TESK2: variants seen among roughly 807,000 people sequenced by gnomAD.
TESK2 encodes testis associated actin remodelling kinase 2, also known as dual specificity testis-specific protein kinase 2.
Under a neutral mutation model 57.1 loss-of-function variants are expected in TESK2, and 39 were observed. The observed-to-expected ratio is 0.68, with a 90% CI of 0.53 to 0.89. The LOEUF (loss-of-function observed/expected upper bound fraction) is 0.89. TESK2 is among the 40% of genes least tolerant of loss of function. The pLI, the probability that TESK2 is intolerant of heterozygous loss-of-function variation, is 0.00. For synonymous variants in TESK2, 249 were observed against 267.9 expected, an observed-to-expected ratio of 0.93 and a Z score of 0.69; for missense variants, 646 against 732.1, an observed-to-expected ratio of 0.88 and a Z score of 1.36.
rs1652182337 is a variant in TESK2 at position 45,458,157 on chromosome 1, CAT to C, written c.-86-288_-86-287del. Among the ~76,000 whole-genome samples the C allele has an allele frequency of 4.6e-5, 7 of 152,278 alleles. No individual in the cohort carries two copies. In the South Asian group the frequency reaches 1.5e-3, roughly 32 times the overall value. ...CATTGAGCACCTACTTTCTAGGAAACATAGTATAAGAGCTTGACATACATCAT... is the reference window on the plus strand; with the variant it reads ...CATTGAGCACCTACTTTCTAGGAAACAGTATAAGAGCTTGACATACATCAT... On this transcript the variant is annotated intron_variant, in intron 1 of 10. Transcript: ENST00000372086.
At chr1:45,425,610 G>A (rs1650657275) in intron 2 of TESK2, among the ~76,000 whole-genome samples, 2 of 152,102 alleles carry the variant, frequency 1.3e-5, no homozygotes, top group African/African-American at 4.8e-5. Context: ...AGCTGTGATC[G>A]TGCCACTATA....
At chr1:45,384,516 C>A (rs769189914) in intron 4 of TESK2, among the ~76,000 whole-genome samples, 5 of 150,758 alleles carry the variant, frequency 3.3e-5, no homozygotes, top group Admixed American at 1.3e-4. Context: ...AACTCCTGGG[C>A]TCAAGCAATC....
rs182929939 is a variant in TESK2, at chr1:45,422,894, C to A, written c.223-1048G>T. Among the ~76,000 whole-genome samples the A allele has an allele frequency of 2.7e-5, 4 of 147,888 alleles. No homozygotes were observed. The Admixed American group carries it at 2.7e-4, about 10-fold the overall frequency. ...AAGCAATTCTCCTGCCTAAGCCTCC[C>A]GAGTAGCTGCGATTACAAGCGCCTG... On this transcript the variant is annotated intron_variant, in intron 2 of 10. Transcript: ENST00000372086.
At chr1:45,364,646 T>C (rs796337788) in intron 4 of TESK2, among the ~76,000 whole-genome samples, 4 of 152,148 alleles carry the variant, frequency 2.6e-5, no homozygotes, top group South Asian at 4.1e-4. Context: ...GAGAAGGAAT[T>C]AGAGGCAGTT....
At chr1:45,412,801 T>C (rs1650085179) in intron 3 of TESK2, among the ~76,000 whole-genome samples, 1 of 152,186 alleles carries the variant, frequency 6.6e-6, no homozygotes, top group South Asian at 2.1e-4. Context: ...GGAGGATTGC[T>C]TGAGCTCAGG....
chr1:45,383,488 C>T (rs761990336), intron 4 of TESK2, among the ~76,000 whole-genome samples: 1 of 152,138 alleles, frequency 6.6e-6, no homozygotes, highest in Non-Finnish European at 1.5e-5. Flanking sequence ...ATAAAGTACA[C>T]ATTGTATGTT....
chr1:45,380,611 C>T (rs919749861), intron 4 of TESK2, among the ~76,000 whole-genome samples: 2 of 152,146 alleles, frequency 1.3e-5, no homozygotes, highest in African/African-American at 4.8e-5. Flanking sequence ...TGACAGACAT[C>T]TTTATTTTAG....
intron 2 of TESK2, among the ~76,000 whole-genome samples, chr1:45,425,533 T>G (rs1650652782): frequency 6.6e-6 from 1 of 151,996 alleles, no homozygotes; most frequent in African/African-American, 2.4e-5. Flanking sequence ...TTCAAGCCTG[T>G]GGTCCCAGCT....
chr1:45,383,463 A>G (rs1413313449), intron 4 of TESK2, among the ~76,000 whole-genome samples: 1 of 152,208 alleles, frequency 6.6e-6, no homozygotes, highest in African/African-American at 2.4e-5. Flanking sequence ...AAAGACTGGC[A>G]ATAAATACTC....
chr1:45,416,862 C>T (rs1650263814), intron 3 of TESK2, among the ~76,000 whole-genome samples: 2 of 151,970 alleles, frequency 1.3e-5, no homozygotes, highest in Non-Finnish European at 1.5e-5. Context: ...TCTCGGCTCA[C>T]TGCAACCTCC....
intron 2 of TESK2, among the ~76,000 whole-genome samples, chr1:45,446,904 G>C (rs2149295919): frequency 6.6e-6 from 1 of 152,298 alleles, no homozygotes; most frequent in South Asian, 2.1e-4. Context: ...ACATAAATTT[G>C]TGTTAAGTGT....
chr1:45,403,882 G>GAAAAAAAA (rs562862639), intron 3 of TESK2, among the ~76,000 whole-genome samples: 3 of 84,878 alleles, frequency 3.5e-5, no homozygotes, highest in East Asian at 3.3e-4. Flanking sequence ...CCATGCAAGC[G>GAAAAAAAA]AAAAAAAAAA....
chr1:45,388,750 TC>T (rs1649011842), intron 3 of TESK2, among the ~76,000 whole-genome samples: 2 of 134,852 alleles, frequency 1.5e-5, no homozygotes, highest in African/African-American at 5.5e-5. Flanking sequence ...AGACGGAGTC[TC>T]ATTCTGTTGC....
chr1:45,370,879 T>A (rs1294407779), intron 4 of TESK2, among the ~76,000 whole-genome samples: 2 of 150,848 alleles, frequency 1.3e-5, no homozygotes, highest in East Asian at 2.0e-4. Flanking sequence ...CACAGAAGGG[T>A]TTTTTCAGGG....
chr1:45,346,661 C>T (rs754777851), intron 9 of TESK2, 32 bp downstream of exon 9: 27 of 1,590,252 alleles, frequency 1.7e-5, no homozygotes, highest in Non-Finnish European at 2.3e-5. Context: ...CAGCCAGCCC[C>T]TGATGAAAGG....
At chr1:45,382,676 GCCTGACCAACATGGAGAAA>G (rs1648712304) in intron 4 of TESK2, among the ~76,000 whole-genome samples, 1 of 152,172 alleles carries the variant, frequency 6.6e-6, no homozygotes, top group African/African-American at 2.4e-5. Flanking sequence ...TTCAAGACCA[GCCTGACCAACATGGAGAAA>G]CCCCGTCTCT....
chr1:45,443,944 C>G (rs1651549100), intron 2 of TESK2, among the ~76,000 whole-genome samples: 1 of 151,992 alleles, frequency 6.6e-6, no homozygotes, highest in Non-Finnish European at 1.5e-5. Context: ...TTTGAGAGGC[C>G]AAGGTGGGAG....
intron 2 of TESK2, among the ~76,000 whole-genome samples, chr1:45,432,701 G>T (rs1220165531): frequency 7.1e-6 from 1 of 140,128 alleles, no homozygotes; most frequent in Non-Finnish European, 1.5e-5. Flanking sequence ...AAAAAAAAAA[G>T]ATATATACAA....
rs75244568 is a variant in TESK2 at position 45,449,459 on chromosome 1, T to C, written c.222+8105A>G. Among the ~76,000 whole-genome samples the C allele has an allele frequency of 9.2e-5, 14 of 151,634 alleles. No individual in the cohort carries two copies. The East Asian group carries it at 2.7e-3, about 29-fold the overall frequency. The stretch of plus-strand genomic sequence containing the variant: ...TTGAAGCAACCAAGATGTCCTTCAA[T>C]AGGTGAGCAGATAAGCTGTGGTAGA... On this transcript the variant is annotated intron_variant, in intron 2 of 10. Transcript: ENST00000372086.
Sources: gnomAD v4.1 joint callset for allele counts (sites outside exome capture counted in the v4.1 genomes callset) on GRCh38, gnomAD v4.1.1 for gene constraint, MANE v1.5 for transcripts, NCBI Gene and HGNC (gene_info 2026-07-23, HGNC 2026-07-21) for gene names.